NPAS3: variants seen among roughly 807,000 people sequenced by gnomAD.
The protein encoded by NPAS3 is neuronal PAS domain-containing protein 3.
Under a neutral mutation model 73.1 loss-of-function variants are expected in NPAS3, and 14 were observed. That is an observed-to-expected ratio of 0.19 (90% CI 0.13 to 0.30). The LOEUF is 0.30. Ranked by LOEUF, NPAS3 falls within the 10% of genes least tolerant of loss-of-function variation. The pLI is 1.00. For missense variants in NPAS3, 1,096 were observed against 1,250.0 expected (o/e 0.88, Z 1.86); for synonymous variants, 620 against 541.5 (o/e 1.14, Z -2.01).
chr14:33,560,516 G>A lies in NPAS3; in HGVS notation c.558+306G>A, dbSNP rs1355726028. 2.2e-5 allele frequency: 5 copies of A among 230,454 alleles called. 1 individual carries two copies. The South Asian group carries it at 3.7e-4, about 17-fold the overall frequency. The allele number at this position is 230,454 out of a possible 1,614,324, so 14.3% of individuals were successfully genotyped here. A position where few individuals can be genotyped will look rare whatever the true frequency, so the allele number is the denominator to read the frequency against. On this transcript the variant is annotated intron_variant, in intron 5 of 11. Coordinates refer to ENST00000356141, the Ensembl canonical transcript of NPAS3. ...ACTTTGAAACCTCTGTGCCCAGTAG[G>A]AGAGGGACACACTAATAGTGCTTCC...
chr14:33,461,660 G>A (rs1278442931), intron 4 of NPAS3, among the ~76,000 whole-genome samples: 1 of 152,216 alleles, frequency 6.6e-6, no homozygotes, highest in Non-Finnish European at 1.5e-5. Flanking sequence ...CATGTTTGCG[G>A]TAACTGACAA....
intron 4 of NPAS3, among the ~76,000 whole-genome samples, chr14:33,408,173 G>A (rs1366682103): frequency 6.6e-6 from 1 of 152,112 alleles, no homozygotes; most frequent in African/African-American, 2.4e-5. Flanking sequence ...AGTACTAGAT[G>A]GTCCTCATTG....
chr14:33,363,696 G>C (rs771338737), intron 3 of NPAS3, among the ~76,000 whole-genome samples: 1 of 152,040 alleles, frequency 6.6e-6, no homozygotes, highest in Non-Finnish European at 1.5e-5. Context: ...ATTAAGTTTT[G>C]CAACACTAAT....
rs530028964 is a variant in NPAS3 at position 33,676,866 on chromosome 14, G to C, written c.733+481G>C. Reference sequence around the variant, plus strand: ...TGAAAGATGTGAACAGATAAATTAAGGCTAAAAAGAAAACAGAAATGGCTA... The same window carrying C: ...TGAAAGATGTGAACAGATAAATTAACGCTAAAAAGAAAACAGAAATGGCTA... On this transcript the variant is annotated intron_variant, in intron 6 of 11. Coordinates refer to ENST00000356141, the Ensembl canonical transcript of NPAS3. Among the ~76,000 whole-genome samples the C allele has an allele frequency of 1.2e-4, 18 of 152,114 alleles. No homozygotes were observed. The East Asian group carries it at 3.5e-3, about 29-fold the overall frequency.
intron 1 of NPAS3, among the ~76,000 whole-genome samples, chr14:32,958,298 C>T (rs529533402): frequency 1.3e-5 from 2 of 152,274 alleles, no homozygotes; most frequent in South Asian, 4.1e-4. Flanking sequence ...TATCTTCAGT[C>T]TTTCCTTAAC....
intron 1 of NPAS3, among the ~76,000 whole-genome samples, chr14:33,046,459 G>C (rs1474919909): frequency 6.6e-6 from 1 of 152,134 alleles, no homozygotes; most frequent in African/African-American, 2.4e-5. Context: ...AGTTGGAGGA[G>C]GATACTGCAG....
chr14:33,527,576 T>C (rs543446125), intron 4 of NPAS3, among the ~76,000 whole-genome samples: 2 of 152,258 alleles, frequency 1.3e-5, no homozygotes, highest in African/African-American at 4.8e-5. Context: ...GAGTTACTGA[T>C]ACTGGAAAGA....
intron 4 of NPAS3, among the ~76,000 whole-genome samples, chr14:33,438,535 A>G (rs917657484): frequency 6.6e-6 from 1 of 152,220 alleles, no homozygotes; most frequent in African/African-American, 2.4e-5. Context: ...ACAGGGTTGT[A>G]GAAGAATTGC....
chr14:33,612,676 G>A, intron 5 of NPAS3: 1 of 352,716 alleles, frequency 2.8e-6, no homozygotes, highest in Non-Finnish European at 5.6e-6. Flanking sequence ...TAATTGTAAA[G>A]AGCAAACTTT....
chr14:33,479,211 T>G (rs968118487), intron 4 of NPAS3, among the ~76,000 whole-genome samples: 1 of 152,200 alleles, frequency 6.6e-6, no homozygotes, highest in Admixed American at 6.5e-5. Flanking sequence ...AATGCATGTT[T>G]ATGAAGAGTA....
At chr14:33,298,585 G>A (rs2042399872) in intron 3 of NPAS3, among the ~76,000 whole-genome samples, 1 of 152,036 alleles carries the variant, frequency 6.6e-6, no homozygotes, top group Admixed American at 6.6e-5. Flanking sequence ...TCTACCTCTT[G>A]CTAACCCCTT....
At chr14:33,293,119 C>T (rs938560820) in intron 3 of NPAS3, among the ~76,000 whole-genome samples, 1 of 152,164 alleles carries the variant, frequency 6.6e-6, no homozygotes, top group African/African-American at 2.4e-5. Context: ...CTGTACTACA[C>T]TATGTCCATG....
intron 4 of NPAS3, among the ~76,000 whole-genome samples, chr14:33,436,761 G>A (rs915080065): frequency 2.0e-5 from 3 of 152,034 alleles, no homozygotes; most frequent in Non-Finnish European, 2.9e-5. Flanking sequence ...TATTTGGTTC[G>A]GATACCCTTG....
intron 4 of NPAS3, among the ~76,000 whole-genome samples, chr14:33,440,884 A>G (rs2049216803): frequency 6.6e-6 from 1 of 151,152 alleles, no homozygotes; most frequent in African/African-American, 2.4e-5. Context: ...ACAAAGTTAA[A>G]CTCCATCTCA....
intron 2 of NPAS3, among the ~76,000 whole-genome samples, chr14:33,110,948 A>C (rs927757): frequency 0.41 from 61,617 of 151,990 alleles, 13,824 homozygotes; most frequent in South Asian, 0.57. Context: ...GAAACAAGAG[A>C]GAGGTTGGGA....
rs139912791 is a variant in NPAS3, at chr14:33,176,557, C to T, written c.141-38625C>T. 2.6e-3 allele frequency among the ~76,000 whole-genome samples: 400 copies of T among 152,218 alleles called. 7 individuals are homozygous for T. The East Asian group carries it at 0.041, about 15-fold the overall frequency. ...TGTAGCATGTATCAAAAATTCATTCCTTTATGTGGCTGAATAATATTCTAC... is the reference window on the plus strand; with the variant it reads ...TGTAGCATGTATCAAAAATTCATTCTTTTATGTGGCTGAATAATATTCTAC... On this transcript the variant is annotated intron_variant, in intron 2 of 11. Coordinates refer to ENST00000356141, the Ensembl canonical transcript of NPAS3.
At chr14:33,680,183 A>G (rs903610761) in intron 6 of NPAS3, among the ~76,000 whole-genome samples, 57 of 152,148 alleles carry the variant, frequency 3.7e-4, no homozygotes, top group African/African-American at 1.4e-3. Context: ...TATGAGTACT[A>G]TCCTCATCTT....
intron 6 of NPAS3, among the ~76,000 whole-genome samples, chr14:33,686,676 C>G (rs141443671): frequency 5.2e-4 from 79 of 152,242 alleles, no homozygotes; most frequent in African/African-American, 1.9e-3. Context: ...AAAAGTCATA[C>G]AGATAGTAGG....
At chr14:33,543,964 T>TC (rs2054641460) in intron 4 of NPAS3, among the ~76,000 whole-genome samples, 1 of 26,948 alleles carries the variant, frequency 3.7e-5, no homozygotes, top group Non-Finnish European at 6.0e-5. Flanking sequence ...TATATATATA[T>TC]ATATATATAT....
Sources: gnomAD v4.1 joint callset for allele counts (sites outside exome capture counted in the v4.1 genomes callset) on GRCh38, gnomAD v4.1.1 for gene constraint, MANE v1.5 for transcripts, NCBI Gene and HGNC (gene_info 2026-07-23, HGNC 2026-07-21) for gene names.